Variants in NRG2 observed in about 807,000 individuals in gnomAD.
NRG2 encodes neuregulin 2.
NRG2 carries 27 observed loss-of-function variants against 73.9 expected under a neutral mutation model. The observed-to-expected ratio is 0.37, with a 90% confidence interval of 0.27 to 0.50. The LOEUF (loss-of-function observed/expected upper bound fraction) is 0.50, where lower values mean the gene tolerates loss of function less well. NRG2 is among the 20% of genes least tolerant of loss of function. NRG2 has a pLI of 0.96. For synonymous variants in NRG2, 532 were observed against 541.0 expected (o/e 0.98, Z 0.23); for missense variants, 1,126 against 1,210.1 (o/e 0.93, Z 1.03).
Position 139,914,700 on chromosome 5 carries a change from T to G in NRG2, c.701-27189A>C, listed in dbSNP as rs139219942. Among the ~76,000 whole-genome samples, 8 of 152,358 alleles carry G rather than the reference T, an allele frequency of 5.3e-5. No individual in the cohort carries two copies. In the East Asian group the frequency reaches 1.3e-3, roughly 26 times the overall value. On this transcript the variant is annotated intron_variant, in intron 1 of 9. Transcript: ENST00000361474. ...TTTTTGCCCAGAGGTATGAGCTGCA[T>G]TTCTGCATATTTAAGCTGTCTTTGA...
At chr5:139,888,566 G>C (rs1191849219) in intron 1 of NRG2, among the ~76,000 whole-genome samples, 1 of 152,162 alleles carries the variant, frequency 6.6e-6, no homozygotes, top group Non-Finnish European at 1.5e-5. Context: ...CCTTTCCCTA[G>C]CAACTCAGAG....
intron 1 of NRG2, among the ~76,000 whole-genome samples, chr5:139,938,883 GGA>G (rs1753078094): frequency 2.5e-3 from 119 of 48,158 alleles, no homozygotes; most frequent in Middle Eastern, 0.026. Flanking sequence ...AGAGAGAGAA[GGA>G]AAGAAAGAAA....
At chr5:139,900,069 C>T (rs1490608312) in intron 1 of NRG2, among the ~76,000 whole-genome samples, 3 of 152,194 alleles carry the variant, frequency 2.0e-5, no homozygotes, top group Non-Finnish European at 4.4e-5. Context: ...CATGTTTCTA[C>T]TTCTAAGAAG....
At chr5:140,000,069 A>G (rs1455988316) in intron 1 of NRG2, among the ~76,000 whole-genome samples, 1 of 152,236 alleles carries the variant, frequency 6.6e-6, no homozygotes, top group Non-Finnish European at 1.5e-5. Flanking sequence ...AAAAAACAAC[A>G]TTTGTCTCTT....
rs755389321 is a variant in NRG2, at chr5:139,855,753, C to T, written c.1215G>A (p.Arg405=). ...CGCAGATGCCCGTGATGGTCAGGACCCTCTTCTGGTACAGCTCCTCGGCTT... is the reference window on the plus strand; with the variant it reads ...CGCAGATGCCCGTGATGGTCAGGACTCTCTTCTGGTACAGCTCCTCGGCTT... ...KQKAEELYQK[R]VLTITGICVA... Residue 405 remains arginine, a synonymous_variant, in exon 6 of 10, where the codon AGG becomes AGA. Coordinates refer to ENST00000361474, the MANE Select transcript of NRG2 (RefSeq NM_004883.3). 3.7e-6 allele frequency: 6 copies of T among 1,614,092 alleles called. No homozygotes were observed. Among genetic ancestry groups the T allele is most frequent in the Non-Finnish European group, 5.1e-6 (6 of 1,179,978 alleles).
intron 3 of NRG2, among the ~76,000 whole-genome samples, chr5:139,874,604 C>A (rs141266843): frequency 1.6e-4 from 25 of 152,330 alleles, no homozygotes; most frequent in African/African-American, 5.8e-4. Flanking sequence ...GGTCTTTCTG[C>A]CTTCACTCTT....
chr5:140,001,416 A>G (rs933947755), intron 1 of NRG2, among the ~76,000 whole-genome samples: 4 of 152,154 alleles, frequency 2.6e-5, no homozygotes, highest in African/African-American at 9.7e-5. Flanking sequence ...ATCATGTCTT[A>G]ATTTATTTTT....
chr5:139,997,749 C>T (rs1210938492), intron 1 of NRG2, among the ~76,000 whole-genome samples: 1 of 152,242 alleles, frequency 6.6e-6, no homozygotes, highest in African/African-American at 2.4e-5. Context: ...TTCCTGAGAA[C>T]AGCCAGCATG....
At chr5:139,962,608 C>T (rs148392840) in intron 1 of NRG2, among the ~76,000 whole-genome samples, 2 of 152,238 alleles carry the variant, frequency 1.3e-5, no homozygotes, top group African/African-American at 2.4e-5. Flanking sequence ...TTGCTCAGAC[C>T]GTCTTCACAG....
chr5:139,989,776 A>T (rs1036375252), intron 1 of NRG2, among the ~76,000 whole-genome samples: 2 of 145,748 alleles, frequency 1.4e-5, no homozygotes, highest in Non-Finnish European at 3.0e-5. Flanking sequence ...TATTATTATT[A>T]TTTATTTTAT....
intron 1 of NRG2, among the ~76,000 whole-genome samples, chr5:139,911,721 G>T (rs553923482): frequency 3.4e-4 from 52 of 152,326 alleles, no homozygotes; most frequent in Non-Finnish European, 4.6e-4. Flanking sequence ...CTGAGCCACA[G>T]TTCTCACTGA....
At chr5:140,039,877 T>C (rs1761787313) in intron 1 of NRG2, among the ~76,000 whole-genome samples, 1 of 152,200 alleles carries the variant, frequency 6.6e-6, no homozygotes, top group African/African-American at 2.4e-5. Context: ...GCAAATCTGC[T>C]CCAAGGAGAA....
In NRG2 at chr5:139,852,904, A is replaced by G. The variant is rs1422323585; in HGVS notation, c.1416T>C (p.Asp472=). The G allele has an allele frequency of 1.2e-6, 2 of 1,613,176 alleles. No homozygotes were observed. Among genetic ancestry groups the G allele is most frequent in the African/African-American group, 1.3e-5 (1 of 74,886 alleles). Residue 472 remains aspartate, a splice_region_variant and synonymous_variant, in exon 7 of 10, where the codon GAT becomes GAC. Transcript: ENST00000361474. This position sits in a 1 kb window ranked among gnomAD's most constrained non-coding sequence, Gnocchi z 4.4. ...RLDPEEIQMA[D]YISKNVPATD... is the part of the protein sequence containing the mutation. ...AGGGGGCCCCAGGAAAGCCACTCAC[A>G]TCTGCCATCTGGATCTCCTCTGGGT... is the stretch of plus-strand genomic sequence containing the variant.
intron 1 of NRG2, among the ~76,000 whole-genome samples, chr5:139,940,226 G>A (rs1486271287): frequency 2.0e-5 from 3 of 152,180 alleles, no homozygotes; most frequent in Non-Finnish European, 2.9e-5. Flanking sequence ...TAGACACATT[G>A]TGATATATAA....
chr5:139,920,606 AG>A (rs900801706), intron 1 of NRG2, among the ~76,000 whole-genome samples: 1 of 152,194 alleles, frequency 6.6e-6, no homozygotes, highest in Non-Finnish European at 1.5e-5. Flanking sequence ...GAAATGAAGT[AG>A]GGGGGATCAG....
At chr5:139,872,484 C>T (rs1391739266) in intron 3 of NRG2, among the ~76,000 whole-genome samples, 1 of 152,184 alleles carries the variant, frequency 6.6e-6, no homozygotes, top group Admixed American at 6.5e-5. Context: ...TGCCCCATCT[C>T]CATAAGCATC....
intron 4 of NRG2, among the ~76,000 whole-genome samples, chr5:139,866,869 C>T (rs3777108): frequency 1.3e-5 from 2 of 152,202 alleles, no homozygotes; most frequent in East Asian, 3.9e-4. Flanking sequence ...ATGCCCAGCC[C>T]TGTACTCTCT....
At chr5:139,946,390 C>T (rs1363555476) in intron 1 of NRG2, among the ~76,000 whole-genome samples, 1 of 151,916 alleles carries the variant, frequency 6.6e-6, no homozygotes, top group Non-Finnish European at 1.5e-5. Flanking sequence ...TTTTTTCTAA[C>T]AAATTGTTCT....
intron 1 of NRG2, among the ~76,000 whole-genome samples, chr5:140,023,784 G>A (rs1444394693): frequency 6.6e-6 from 1 of 152,150 alleles, no homozygotes; most frequent in East Asian, 1.9e-4. Context: ...AACCCTACCT[G>A]GGGGATTTGC....
Sources: gnomAD v4.1 joint callset for allele counts (sites outside exome capture counted in the v4.1 genomes callset) on GRCh38, gnomAD v4.1.1 for gene constraint, Gnocchi (gnomAD v3.1) non-coding constraint, MANE v1.5 for transcripts, NCBI Gene and HGNC (gene_info 2026-07-23, HGNC 2026-07-21) for gene names.